The following MUTYH variants were observed in gnomAD, a reference collection of about 807,000 sequenced individuals.
MUTYH encodes mutY DNA glycosylase, also known as adenine DNA glycosylase.
A neutral mutation model predicts 72.9 loss-of-function variants in MUTYH; 64 were observed. The ratio of observed to expected loss-of-function variants is 0.88; its 90% CI spans 0.72 to 1.08. The LOEUF (loss-of-function observed/expected upper bound fraction) is 1.08, where lower values mean the gene tolerates loss of function less well. Among genes scored for constraint, MUTYH ranks in the 50% least tolerant of loss-of-function variants. The probability of loss-of-function intolerance (pLI) is 0.00; values close to 1 mark genes in which losing one functional copy is unlikely to be tolerated. For synonymous variants in MUTYH, 234 were observed against 263.1 expected (o/e 0.89, Z 1.07); for missense variants, 633 against 671.0 (o/e 0.94, Z 0.63).
Position 45,334,054 on chromosome 1 carries a change from T to C in MUTYH, c.115+337A>G, listed in dbSNP as rs1325605239. 1.0e-5 allele frequency: 4 copies of C among 386,562 alleles called. No individual in the cohort carries two copies. The East Asian group carries it at 2.4e-4, about 24-fold the overall frequency. 23.9% of individuals were successfully genotyped at this position (386,562 alleles called of 1,614,324 possible). A position where few individuals can be genotyped will look rare whatever the true frequency, so the allele number is the denominator to read the frequency against. On this transcript the variant is annotated intron_variant, in intron 2 of 15. Coordinates refer to ENST00000456914, the MANE Select transcript of MUTYH (RefSeq NM_001048174.2). ...AAGAGTCTGGCTCTGTTGCCCAGAC[T>C]GAAATGCAGTTGCATTATCTTGACT...
chr1:45,331,415 C>CT lies in MUTYH; in HGVS notation c.1239+4dup, dbSNP rs2149116805. 9.3e-6 allele frequency: 15 copies of CT among 1,614,264 alleles called. No homozygotes were observed. The highest frequency in any genetic ancestry group is 1.3e-5 in the Non-Finnish European group (15 of 1,180,050). On this transcript the variant is annotated splice_donor_region_variant and intron_variant, in intron 13 of 15. Coordinates refer to ENST00000456914, the MANE Select transcript of MUTYH (RefSeq NM_001048174.2). ...ACATCCTTGGCTATTCCGCTGCTCA[C>CT]TTACCTCCCCAAGGTGCCGGAGGTG...
chr1:45,339,977 T>A, upstream of MUTYH: 4 of 1,526,492 alleles, frequency 2.6e-6, no homozygotes, highest in South Asian at 1.2e-5. Flanking sequence ...AAAGATTACC[T>A]CCCGCGAGCT....
In MUTYH at chr1:45,334,518, C is replaced by G; in HGVS notation, c.-6-7G>C. ...GTGGCTTCCTCATGATGGCCTGAAACAAAAAGACCCAGCCAAAGCAGTCAG... is the reference window on the plus strand; with the variant it reads ...GTGGCTTCCTCATGATGGCCTGAAAGAAAAAGACCCAGCCAAAGCAGTCAG... On this transcript the variant is annotated splice_polypyrimidine_tract_variant and splice_region_variant and intron_variant, in intron 1 of 15. Coordinates refer to ENST00000456914, the MANE Select transcript of MUTYH (RefSeq NM_001048174.2). The G allele has an allele frequency of 6.2e-7, 1 of 1,613,992 alleles. No homozygotes were observed. The highest frequency in any genetic ancestry group is 8.5e-7 in the Non-Finnish European group (1 of 1,179,912).
rs2149102678 is a variant in MUTYH, at chr1:45,330,514, A to G, written c.1434+2T>C. ...CGGTTGGGAGAGGCCTAGGAGACTT[A>G]CCATACAGGTCCCTGGCTGTTGGCC... On this transcript the variant is annotated splice_donor_variant, in intron 15 of 15. Coordinates refer to ENST00000456914, the MANE Select transcript of MUTYH (RefSeq NM_001048174.2). LOFTEE classifies it high-confidence loss of function. 6.2e-7 allele frequency: 1 copy of G among 1,609,286 alleles called. No homozygotes were observed. The highest frequency in any genetic ancestry group is 8.5e-7 in the Non-Finnish European group (1 of 1,177,590).
intron 9 of MUTYH, 32 bp from the exon 10 acceptor site, chr1:45,332,342 G>A (rs544765846): frequency 6.2e-7 from 1 of 1,614,118 alleles, no homozygotes; most frequent in South Asian, 1.1e-5. Flanking sequence ...GTGAAGCAGA[G>A]CTCCTTTGCA....
chr1:45,336,704 AG>A (rs1645951989), intron 1 of MUTYH, among the ~76,000 whole-genome samples: 1 of 152,158 alleles, frequency 6.6e-6, no homozygotes, highest in Non-Finnish European at 1.5e-5. Context: ...TTTCAGACTC[AG>A]CCTGTCTGCA....
chr1:45,332,869 G>A (rs749922909), intron 6 of MUTYH, 35 bp from the exon 7 acceptor site: 23 of 1,613,946 alleles, frequency 1.4e-5, no homozygotes, highest in Middle Eastern at 1.6e-4. Flanking sequence ...GAGATCACCC[G>A]TCAGTCCCTC....
In MUTYH at chr1:45,332,287, T is replaced by TC; in HGVS notation, c.727dup (p.Asp243GlyfsTer58). 2 of 1,613,940 alleles carry TC rather than the reference T, an allele frequency of 1.2e-6. No homozygotes were observed. Among genetic ancestry groups the TC allele is most frequent in the Non-Finnish European group, 1.7e-6 (2 of 1,179,950 alleles). On this transcript the variant is annotated frameshift_variant, in exon 10 of 16. Transcript: ENST00000456914. LOFTEE classifies it high-confidence loss of function. Reference sequence around the variant, plus strand: ...GTTGAAATCTCCTGGCCGGGCTGGGTCCACCAGCTGCTGGGCTAGACCCCT... The same window carrying TC: ...GTTGAAATCTCCTGGCCGGGCTGGGTCCCACCAGCTGCTGGGCTAGACCCCT...
upstream of MUTYH, chr1:45,340,137 CATCG>C: frequency 6.3e-7 from 1 of 1,577,350 alleles, no homozygotes; most frequent in East Asian, 2.4e-5. Context: ...AAGTTCGACC[CATCG>C]GCGACCCGAC....
intron 15 of MUTYH, chr1:45,330,180 C>T: frequency 3.9e-6 from 1 of 253,504 alleles, no homozygotes; most frequent in Non-Finnish European, 7.4e-6. Context: ...TTGCAGTGAG[C>T]CGAGATCGGG....
upstream of MUTYH, chr1:45,340,402 G>C (rs1646851559): frequency 6.5e-7 from 1 of 1,541,314 alleles, no homozygotes; most frequent in African/African-American, 1.4e-5. Flanking sequence ...AGCTTCAGAG[G>C]ACTGCTCCTT....
chr1:45,332,131 AG>A, intron 10 of MUTYH, 34 bp downstream of exon 10: 1 of 1,614,186 alleles, frequency 6.2e-7, no homozygotes, highest in Non-Finnish European at 8.5e-7. Flanking sequence ...GTCACTCCTT[AG>A]GACTTCTCAC....
chr1:45,332,088 TGA>T lies in MUTYH; in HGVS notation c.850-4_850-3del. On this transcript the variant is annotated splice_polypyrimidine_tract_variant and splice_region_variant and intron_variant, in intron 10 of 15. Coordinates refer to ENST00000456914, the MANE Select transcript of MUTYH (RefSeq NM_001048174.2). ...GGCTAAGAGCTGTTCCTGCTCCACC[TGA>T]GAGGCACAGGGTTGAGTGTCATAGG... is the stretch of plus-strand genomic sequence containing the variant. 4 of 1,614,184 alleles carry T rather than the reference TGA, an allele frequency of 2.5e-6. No homozygotes were observed. Among genetic ancestry groups the T allele is most frequent in the Non-Finnish European group, 3.4e-6 (4 of 1,180,014 alleles).
At chr1:45,329,576 C>T (rs879626922) in intron 15 of MUTYH, 139 bp from the exon 16 acceptor site, 18 of 1,194,812 alleles carry the variant, frequency 1.5e-5, no homozygotes, top group Non-Finnish European at 1.9e-5. Flanking sequence ...TTTCATCCTG[C>T]CTCAAGTATC....
upstream of MUTYH, chr1:45,340,149 G>T: frequency 6.3e-7 from 1 of 1,590,256 alleles, no homozygotes; most frequent in Non-Finnish European, 8.5e-7. Context: ...TCGGCGACCC[G>T]ACGGCGAGAC....
intron 1 of MUTYH, among the ~76,000 whole-genome samples, chr1:45,339,205 ATTTTTTTT>A (rs60609540): frequency 5.1e-5 from 6 of 118,230 alleles, no homozygotes; most frequent in Non-Finnish European, 8.5e-5. Context: ...TCCAATAGGA[ATTTTTTTT>A]TTTTTTTTTT....
chr1:45,338,442 C>T, intron 1 of MUTYH: 1 of 397,508 alleles, frequency 2.5e-6, no homozygotes, highest in South Asian at 2.4e-5. Flanking sequence ...CAAGTCTTGA[C>T]TGAAATGTCC....
upstream of MUTYH, chr1:45,340,039 C>T: frequency 6.5e-7 from 1 of 1,540,734 alleles, no homozygotes; most frequent in Non-Finnish European, 8.8e-7. Context: ...TCGGGTCCAC[C>T]CGGGCTGCGA....
chr1:45,333,504 A>G lies in MUTYH; in HGVS notation c.173T>C (p.Leu58Pro). Residue 58 changes from leucine to proline, a missense_variant, in exon 3 of 16, where the codon CTA becomes CCA. Physicochemically the swap from Leu to Pro is moderately conservative, Grantham distance 98. Transcript: ENST00000456914. ...TGTGACTTCAGCTACGTCTCTGAAT[A>G]GATGGTATGAGGAGACAGAGGCCTG... ...VLQASVSSYH[L>P]FRDVAEVTAF... The G allele has an allele frequency of 1.2e-6, 2 of 1,614,222 alleles. No individual in the cohort carries two copies. Among genetic ancestry groups the G allele is most frequent in the Non-Finnish European group, 1.7e-6 (2 of 1,180,028 alleles).
Sources: gnomAD v4.1 joint callset for allele counts (sites outside exome capture counted in the v4.1 genomes callset) on GRCh38, gnomAD v4.1.1 for gene constraint, MANE v1.5 for transcripts, NCBI Gene and HGNC (gene_info 2026-07-23, HGNC 2026-07-21) for gene names.